FRS2: variants seen among roughly 807,000 people sequenced by gnomAD.
FRS2 encodes fibroblast growth factor receptor substrate 2.
A neutral mutation model predicts 43.9 loss-of-function variants in FRS2; 8 were observed. The ratio of observed to expected loss-of-function variants is 0.18; its 90% CI spans 0.11 to 0.33. The LOEUF is 0.33. Ranked by LOEUF, FRS2 falls within the 10% of genes least tolerant of loss-of-function variation. The pLI, the probability that FRS2 is intolerant of heterozygous loss-of-function variation, is 1.00. For missense variants in FRS2, 534 were observed against 627.6 expected, an observed-to-expected ratio of 0.85 and a Z score of 1.59; for synonymous variants, 219 against 220.3, an observed-to-expected ratio of 0.99 and a Z score of 0.05.
chr12:69,507,481 T>C (rs1874050951), intron 1 of FRS2, among the ~76,000 whole-genome samples: 1 of 152,204 alleles, frequency 6.6e-6, no homozygotes, highest in East Asian at 1.9e-4. Flanking sequence ...CTCTGTGTTG[T>C]AGATCAACAG....
chr12:69,558,329 A>G (rs772173151), intron 3 of FRS2, among the ~76,000 whole-genome samples: 15 of 152,152 alleles, frequency 9.9e-5, no homozygotes, highest in Non-Finnish European at 2.1e-4. Flanking sequence ...TGTAATCTCA[A>G]TTTTCTGCCT....
Position 69,578,784 on chromosome 12 carries a change from T to C in FRS2, c.*3829T>C. The stretch of plus-strand genomic sequence containing the variant: ...CGTAAAGGCATAAATATAGCAACTT[T>C]GTATAAAGGTAGCTTATTAGATTTT... On this transcript the variant is annotated 3_prime_UTR_variant, in exon 9 of 9. Transcript: ENST00000549921. The C allele has an allele frequency of 6.5e-6, 1 of 152,802 alleles. No individual in the cohort carries two copies. The allele number at this position is 152,802 out of a possible 1,614,324, so 9.5% of individuals were successfully genotyped here. A position where few individuals can be genotyped will look rare whatever the true frequency, so the allele number is the denominator to read the frequency against.
chr12:69,520,367 CTATTA>C (rs200124482), intron 1 of FRS2, among the ~76,000 whole-genome samples: 2,967 of 136,336 alleles, frequency 0.022, 96 homozygotes, highest in African/African-American at 0.076. Flanking sequence ...CTCTTTTCCT[CTATTA>C]TTAGTTTTTT....
chr12:69,538,750 A>T (rs1006839496), intron 3 of FRS2, among the ~76,000 whole-genome samples: 10 of 152,148 alleles, frequency 6.6e-5, no homozygotes, highest in African/African-American at 2.4e-4. Flanking sequence ...ATTTTTAAAA[A>T]TTTAGGTTCC....
At position 69,570,422 on chromosome 12, in the gene FRS2, A is replaced by C. The variant is rs1789064919; in HGVS notation, c.158A>C (p.Asp53Ala). 2 of 1,612,730 alleles carry C rather than the reference A, an allele frequency of 1.2e-6. No individual in the cohort carries two copies. The highest frequency in any genetic ancestry group is 1.7e-6 in the Non-Finnish European group (2 of 1,178,746). The change falls in exon 6 of 9, where the codon GAC becomes GCC. Residue 53 changes from aspartate (D) to alanine (A), a missense_variant. Physicochemically the swap from Asp to Ala is moderately radical, Grantham distance 126. Around this residue, in one of 3 missense-constraint regions of FRS2, gnomAD observed 76 missense variants for 90.5 expected, o/e 0.84. Transcript: ENST00000549921. ...TELILYTRKR[D>A]SVKWHYLCLR... is the part of the protein sequence containing the mutation. ...CTGATTTTATACACCCGCAAACGTG[A>C]CTCAGTAAAATGGCACTACCTCTGC...
chr12:69,531,396 A>T (rs1423609489), intron 2 of FRS2, among the ~76,000 whole-genome samples: 1 of 152,160 alleles, frequency 6.6e-6, no homozygotes, highest in Non-Finnish European at 1.5e-5. Flanking sequence ...TTGTAGTACA[A>T]ATTCTACCAT....
At chr12:69,487,132 A>G (rs1402573550) in intron 1 of FRS2, among the ~76,000 whole-genome samples, 3 of 152,264 alleles carry the variant, frequency 2.0e-5, no homozygotes, top group South Asian at 2.1e-4. Flanking sequence ...CACCAGAACC[A>G]TAGGCCTGAG....
At chr12:69,538,197 T>TTTATATATATATATATATATA (rs869192774) in intron 3 of FRS2, among the ~76,000 whole-genome samples, 1 of 81,620 alleles carries the variant, frequency 1.2e-5, no homozygotes, top group Non-Finnish European at 2.3e-5. Flanking sequence ...AAAACAAATT[T>TTTATATATATATATATATATA]TATATATATA....
intron 1 of FRS2, among the ~76,000 whole-genome samples, chr12:69,520,376 GTTT>G (rs112572825): frequency 2.7e-5 from 3 of 110,018 alleles, no homozygotes; most frequent in Non-Finnish European, 5.4e-5. Context: ...TCTATTATTA[GTTT>G]TTTTTTTTTT....
chr12:69,554,048 C>G (rs1652317724), intron 3 of FRS2, among the ~76,000 whole-genome samples: 1 of 152,142 alleles, frequency 6.6e-6, no homozygotes, highest in Non-Finnish European at 1.5e-5. Flanking sequence ...AGCATTTACT[C>G]ATTAGAGTTT....
intron 1 of FRS2, among the ~76,000 whole-genome samples, chr12:69,520,284 C>T (rs1340327543): frequency 2.0e-5 from 3 of 151,312 alleles, no homozygotes; most frequent in South Asian, 2.1e-4. Flanking sequence ...GTTTAAGTTC[C>T]TTATAGATGC....
chr12:69,503,861 T>G (rs992380946), intron 1 of FRS2, among the ~76,000 whole-genome samples: 2 of 152,208 alleles, frequency 1.3e-5, no homozygotes, highest in Non-Finnish European at 2.9e-5. Context: ...ACCAGTGCTT[T>G]TATTTTTTAA....
At chr12:69,476,913 C>T (rs1395360528) in intron 1 of FRS2, among the ~76,000 whole-genome samples, 1 of 152,066 alleles carries the variant, frequency 6.6e-6, no homozygotes, top group Non-Finnish European at 1.5e-5. Flanking sequence ...ATGTCCAAGG[C>T]AAAATGTTCA....
chr12:69,524,017 C>T (rs748961726), intron 1 of FRS2, among the ~76,000 whole-genome samples: 19 of 152,180 alleles, frequency 1.2e-4, no homozygotes, highest in South Asian at 4.1e-4. Context: ...TGCTAGCCAG[C>T]GCCGGGGTGC....
At chr12:69,505,924 G>C (rs1873888246) in intron 1 of FRS2, among the ~76,000 whole-genome samples, 1 of 152,126 alleles carries the variant, frequency 6.6e-6, no homozygotes. Context: ...ACCTTTGGTT[G>C]ATTGCAATCC....
At chr12:69,562,325 TA>T in intron 4 of FRS2, 51 bp downstream of exon 4, 1 of 397,882 alleles carries the variant, frequency 2.5e-6, no homozygotes, top group Non-Finnish European at 4.4e-6. Context: ...CATTTACAAT[TA>T]TTTTTTATTT....
chr12:69,521,944 T>C (rs1167761161), intron 1 of FRS2, among the ~76,000 whole-genome samples: 2 of 152,188 alleles, frequency 1.3e-5, no homozygotes, highest in Non-Finnish European at 2.9e-5. Context: ...GAAGAGGTAT[T>C]GAATTTTATT....
rs150679965 is a variant in FRS2, at chr12:69,494,770, T to TTTTTG, written c.-261+24255_-261+24259dup. On this transcript the variant is annotated intron_variant, in intron 1 of 8. Transcript: ENST00000549921. Reference sequence around the variant, plus strand: ...TGTGCTATAGCCTGTTGCTTCTAGATTTTTGTTTTGTTTTGTTTTCGAGAT... The same window carrying TTTTTG: ...TGTGCTATAGCCTGTTGCTTCTAGATTTTTGTTTTGTTTTGTTTTGTTTTCGAGAT... Among the ~76,000 whole-genome samples the TTTTTG allele has an allele frequency of 1.2e-3, 189 of 152,154 alleles. 2 individuals are homozygous for TTTTTG. In the East Asian group the frequency reaches 0.016, roughly 13 times the overall value.
At position 69,570,432 on chromosome 12, in the gene FRS2, A is replaced by G; in HGVS notation, c.168A>G (p.Lys56=). Residue 56 remains lysine, a synonymous_variant, in exon 6 of 9, where the codon AAA becomes AAG. Transcript: ENST00000549921. The part of the protein sequence containing the change: ...ILYTRKRDSV[K]WHYLCLRRYG... ...ACACCCGCAAACGTGACTCAGTAAA[A>G]TGGCACTACCTCTGCCTGCGACGCT... 1 of 1,613,164 alleles carries G rather than the reference A, an allele frequency of 6.2e-7. No individual in the cohort carries two copies.
Sources: allele counts gnomAD v4.1 joint callset (sites outside exome capture counted in the v4.1 genomes callset), GRCh38; gene constraint gnomAD v4.1.1; regional missense constraint gnomAD v4.1.1; transcripts MANE v1.5; gene names NCBI Gene and HGNC (gene_info 2026-07-23, HGNC 2026-07-21).